The following ANKRD31 variants were observed in gnomAD, a reference collection of about 807,000 sequenced individuals.
The protein encoded by ANKRD31 is ankyrin repeat domain 31, also known as ankyrin repeat domain-containing protein 31.
In ANKRD31, 147 loss-of-function variants were observed where a neutral mutation model predicts 186.0. The observed-to-expected ratio is 0.79, with a 90% confidence interval of 0.69 to 0.91. The LOEUF (loss-of-function observed/expected upper bound fraction) is 0.91, where lower values mean the gene tolerates loss of function less well. Among genes scored for constraint, ANKRD31 ranks in the 40% least tolerant of loss-of-function variants. The pLI is 0.00. For missense variants in ANKRD31, 1,986 were observed against 2,148.8 expected (o/e 0.92, Z 1.50); for synonymous variants, 673 against 736.4 (o/e 0.91, Z 1.39).
chr5:75,189,287 T>C (rs1188043432), intron 9 of ANKRD31, among the ~76,000 whole-genome samples: 1 of 152,178 alleles, frequency 6.6e-6, no homozygotes, highest in Non-Finnish European at 1.5e-5. Context: ...CCACTGTGCC[T>C]CCTAAAATAC....
chr5:75,114,192 A>G (rs1006646287), intron 19 of ANKRD31, among the ~76,000 whole-genome samples: 8 of 152,062 alleles, frequency 5.3e-5, no homozygotes, highest in Admixed American at 3.9e-4. Context: ...ATTACTATAA[A>G]CCATATGGGA....
At chr5:75,136,883 A>T (rs756074545) in intron 17 of ANKRD31, among the ~76,000 whole-genome samples, 1 of 152,190 alleles carries the variant, frequency 6.6e-6, no homozygotes, top group African/African-American at 2.4e-5. Flanking sequence ...ATGAATCTGG[A>T]AACCATCATT....
chr5:75,185,271 G>T (rs1754624220), intron 10 of ANKRD31, among the ~76,000 whole-genome samples: 1 of 152,052 alleles, frequency 6.6e-6, no homozygotes, highest in Non-Finnish European at 1.5e-5. Context: ...AATTAGAAAT[G>T]AAGAACAGAA....
chr5:75,190,247 C>A (rs987072026), intron 9 of ANKRD31, among the ~76,000 whole-genome samples: 10 of 152,110 alleles, frequency 6.6e-5, no homozygotes, highest in African/African-American at 2.4e-4. Context: ...TCTCAAACTT[C>A]TGGGCTCAAG....
chr5:75,174,553 A>G (rs956800932), intron 10 of ANKRD31, among the ~76,000 whole-genome samples: 1 of 152,138 alleles, frequency 6.6e-6, no homozygotes, highest in African/African-American at 2.4e-5. Flanking sequence ...AACAACCCCA[A>G]CAAAAAGTGG....
chr5:75,200,160 C>T (rs1222016425), intron 5 of ANKRD31, among the ~76,000 whole-genome samples: 2 of 152,194 alleles, frequency 1.3e-5, no homozygotes, highest in African/African-American at 2.4e-5. Context: ...GCCTCTGTGA[C>T]TGCAAATTCA....
Position 75,153,896 on chromosome 5 carries a change from A to G in ANKRD31, c.1852+305T>C, listed in dbSNP as rs76674899. ...TTTTCACTGAAAAGGATATAACCAA[A>G]GGGGATCATATCATGTTATTTAGTC... On this transcript the variant is annotated intron_variant, in intron 12 of 25. Transcript: ENST00000506364. 8.4e-3 allele frequency among the ~76,000 whole-genome samples: 1,273 copies of G among 152,246 alleles called. 31 individuals are homozygous for G. The highest frequency in any genetic ancestry group is 0.028 in the African/African-American group (1,182 of 41,562).
In ANKRD31 at chr5:75,202,166, C is replaced by T. The variant is rs114507332; in HGVS notation, c.404-2492G>A. On this transcript the variant is annotated intron_variant, in intron 5 of 25. Coordinates refer to ENST00000506364, the MANE Select transcript of ANKRD31 (RefSeq NM_001372053.1). ...GGCACATGTTCTCAGAGTTTCCTGACGGCTGTGCCACAGGCCATGGTCACT... is the reference window on the plus strand; with the variant it reads ...GGCACATGTTCTCAGAGTTTCCTGATGGCTGTGCCACAGGCCATGGTCACT... Among the ~76,000 whole-genome samples, 822 of 152,292 alleles carry T rather than the reference C, an allele frequency of 5.4e-3. 2 individuals carry two copies. The highest frequency in any genetic ancestry group is 0.02 in the Middle Eastern group (6 of 294).
intron 25 of ANKRD31, among the ~76,000 whole-genome samples, chr5:75,074,927 C>T (rs1476211345): frequency 6.6e-6 from 1 of 152,090 alleles, no homozygotes; most frequent in Non-Finnish European, 1.5e-5. Context: ...TTGAACAAAC[C>T]TTTGCTCCAT....
At chr5:75,109,865 G>A (rs1256891233) in intron 20 of ANKRD31, among the ~76,000 whole-genome samples, 1 of 151,968 alleles carries the variant, frequency 6.6e-6, no homozygotes, top group Non-Finnish European at 1.5e-5. Flanking sequence ...GACTGAGAGG[G>A]CACAGGGAAA....
chr5:75,158,666 C>T (rs1269778971), intron 11 of ANKRD31, among the ~76,000 whole-genome samples: 1 of 152,028 alleles, frequency 6.6e-6, no homozygotes, highest in Non-Finnish European at 1.5e-5. Context: ...GTGGTGCATG[C>T]CTATTGTCCC....
chr5:75,113,077 AG>A (rs1343010494), intron 19 of ANKRD31, among the ~76,000 whole-genome samples: 1 of 152,210 alleles, frequency 6.6e-6, no homozygotes, highest in African/African-American at 2.4e-5. Flanking sequence ...TGTCCTTGTC[AG>A]TACTAATCTT....
At chr5:75,227,974 C>T (rs979389931) in intron 2 of ANKRD31, among the ~76,000 whole-genome samples, 1 of 152,204 alleles carries the variant, frequency 6.6e-6, no homozygotes, top group Non-Finnish European at 1.5e-5. Context: ...CAGTTTCATC[C>T]TGAAACCATA....
intron 22 of ANKRD31, among the ~76,000 whole-genome samples, chr5:75,100,839 C>G (rs564317519): frequency 6.6e-5 from 10 of 152,266 alleles, no homozygotes; most frequent in Non-Finnish European, 1.5e-4. Flanking sequence ...GATGGGTCTC[C>G]TGAATACAGC....
intron 12 of ANKRD31, among the ~76,000 whole-genome samples, chr5:75,149,372 A>T (rs1003953017): frequency 6.6e-6 from 1 of 151,972 alleles, no homozygotes; most frequent in African/African-American, 2.4e-5. Context: ...ATAAGCTAGA[A>T]ATGTAAAATA....
chr5:75,112,032 C>T (rs1747829749), intron 20 of ANKRD31, among the ~76,000 whole-genome samples: 1 of 152,138 alleles, frequency 6.6e-6, no homozygotes, highest in African/African-American at 2.4e-5. Flanking sequence ...ATTATCTAAA[C>T]ATATCACTGG....
intron 5 of ANKRD31, among the ~76,000 whole-genome samples, chr5:75,202,341 AC>A (rs1755874803): frequency 2.0e-5 from 3 of 152,226 alleles, no homozygotes; most frequent in African/African-American, 7.2e-5. Context: ...TTAAAAACCA[AC>A]ACATTTAGAA....
chr5:75,115,915 A>G (rs943923996), intron 19 of ANKRD31, among the ~76,000 whole-genome samples: 2 of 152,162 alleles, frequency 1.3e-5, no homozygotes, highest in Admixed American at 1.3e-4. Context: ...CTGGGTATAT[A>G]CCCAAAGGAT....
intron 17 of ANKRD31, among the ~76,000 whole-genome samples, chr5:75,132,391 T>C (rs1365581425): frequency 6.6e-6 from 1 of 152,118 alleles, no homozygotes; most frequent in Non-Finnish European, 1.5e-5. Flanking sequence ...CAGTAGCCCA[T>C]TCGATCAACT....
Sources: allele counts gnomAD v4.1 joint callset (sites outside exome capture counted in the v4.1 genomes callset), GRCh38; gene constraint gnomAD v4.1.1; transcripts MANE v1.5; gene names NCBI Gene and HGNC (gene_info 2026-07-23, HGNC 2026-07-21).